Variants in EYA1 observed in about 807,000 individuals in gnomAD.
The protein encoded by EYA1 is protein phosphatase EYA1.
Under a neutral mutation model 82.0 loss-of-function variants are expected in EYA1, and 16 were observed. The ratio of observed to expected loss-of-function variants is 0.20; its 90% confidence interval spans 0.13 to 0.30. The LOEUF (loss-of-function observed/expected upper bound fraction) is 0.30, where lower values mean the gene tolerates loss of function less well. Ranked by LOEUF, EYA1 falls within the 10% of genes least tolerant of loss-of-function variation. The pLI, the probability that EYA1 is intolerant of heterozygous loss-of-function variation, is 1.00. For synonymous variants in EYA1, 261 were observed against 264.4 expected, an observed-to-expected ratio of 0.99 and a Z score of 0.12; for missense variants, 633 against 730.7, an observed-to-expected ratio of 0.87 and a Z score of 1.54.
intron 2 of EYA1, among the ~76,000 whole-genome samples, chr8:71,492,063 C>T (rs985364914): frequency 3.3e-5 from 5 of 152,130 alleles, no homozygotes; most frequent in Non-Finnish European, 7.4e-5. Context: ...CGGACGTTGG[C>T]AAATGGGTCT....
intron 2 of EYA1, among the ~76,000 whole-genome samples, chr8:71,372,085 G>A (rs1353065587): frequency 2.0e-5 from 3 of 151,936 alleles, no homozygotes; most frequent in Admixed American, 6.6e-5. Context: ...ATGAGTTTTC[G>A]GATTGAAAGA....
chr8:71,528,340 A>G (rs1044421541), intron 2 of EYA1, among the ~76,000 whole-genome samples: 2 of 152,180 alleles, frequency 1.3e-5, no homozygotes, highest in Non-Finnish European at 2.9e-5. Context: ...AGGGCTTGAC[A>G]TTGTGTTTGG....
chr8:71,358,898 G>C (rs1387117530), intron 1 of EYA1, among the ~76,000 whole-genome samples: 1 of 152,124 alleles, frequency 6.6e-6, no homozygotes, highest in Non-Finnish European at 1.5e-5. Context: ...TTCTAGAAAA[G>C]TGATGTGAGG....
upstream of EYA1, chr8:71,362,230 T>C: frequency 1.0e-6 from 1 of 973,070 alleles, no homozygotes; most frequent in Non-Finnish European, 1.2e-6. Flanking sequence ...ACCTTATTGG[T>C]TTAAATGCAA....
At chr8:71,253,403 T>A (rs1034500262) in intron 11 of EYA1, among the ~76,000 whole-genome samples, 1 of 152,192 alleles carries the variant, frequency 6.6e-6, no homozygotes, top group Admixed American at 6.5e-5. Flanking sequence ...ATAGAAAGTT[T>A]GGTTGAATCA....
intron 2 of EYA1, among the ~76,000 whole-genome samples, chr8:71,408,408 A>C (rs928492786): frequency 7.8e-6 from 1 of 128,440 alleles, no homozygotes; most frequent in Admixed American, 8.0e-5. Flanking sequence ...AAATTCTCCA[A>C]TTAAAAGACA....
intron 2 of EYA1, among the ~76,000 whole-genome samples, chr8:71,438,300 T>A (rs2129168037): frequency 6.6e-6 from 1 of 152,128 alleles, no homozygotes; most frequent in East Asian, 1.9e-4. Flanking sequence ...GAATACAGAA[T>A]GATAACCAAC....
chr8:71,432,151 C>A (rs1027983747), intron 2 of EYA1, among the ~76,000 whole-genome samples: 1 of 152,148 alleles, frequency 6.6e-6, no homozygotes, highest in Non-Finnish European at 1.5e-5. Context: ...AAATAGATAA[C>A]AAGCCTCTTA....
chr8:71,393,394 C>T (rs1053514344), intron 2 of EYA1, among the ~76,000 whole-genome samples: 1 of 151,972 alleles, frequency 6.6e-6, no homozygotes. Context: ...GTGCTGCACC[C>T]GTTAACTCCT....
At chr8:71,450,961 T>C (rs1274482607) in intron 2 of EYA1, among the ~76,000 whole-genome samples, 1 of 152,258 alleles carries the variant, frequency 6.6e-6, no homozygotes, top group Middle Eastern at 3.4e-3. Context: ...AAAGAAGAAA[T>C]GCAAACAGCT....
rs143254169 is a variant in EYA1 at position 71,207,713 on chromosome 8, T to C, written c.1698+3443A>G. Among the ~76,000 whole-genome samples, 6 of 152,360 alleles carry C rather than the reference T, an allele frequency of 3.9e-5. No individual in the cohort carries two copies. The East Asian group carries it at 1.2e-3, about 29-fold the overall frequency. ...AACAATCTTTTTTTAAGCCATTCTATATTTAATTTTATTCTGTAATTGCTG... is the reference window on the plus strand; with the variant it reads ...AACAATCTTTTTTTAAGCCATTCTACATTTAATTTTATTCTGTAATTGCTG... On this transcript the variant is annotated intron_variant, in intron 17 of 17. Transcript: ENST00000340726.
chr8:71,510,760 AACTG>A (rs1251751682), intron 2 of EYA1, among the ~76,000 whole-genome samples: 2 of 152,170 alleles, frequency 1.3e-5, no homozygotes, highest in Admixed American at 1.3e-4. Flanking sequence ...TTGTGGCAAA[AACTG>A]ACTGATGATG....
intron 2 of EYA1, among the ~76,000 whole-genome samples, chr8:71,500,859 C>T (rs753260873): frequency 6.6e-6 from 1 of 152,066 alleles, no homozygotes; most frequent in Non-Finnish European, 1.5e-5. Context: ...AACATAGATT[C>T]CTTACCTCAG....
intron 3 of EYA1, among the ~76,000 whole-genome samples, chr8:71,346,359 C>T (rs1753493618): frequency 6.7e-6 from 1 of 149,796 alleles, no homozygotes; most frequent in South Asian, 2.1e-4. Flanking sequence ...TGTGGATATA[C>T]AGTATAGATA....
chr8:71,234,971 C>G (rs1413327476), intron 12 of EYA1, among the ~76,000 whole-genome samples: 1 of 152,170 alleles, frequency 6.6e-6, no homozygotes, highest in African/African-American at 2.4e-5. Flanking sequence ...GTACTCAAGG[C>G]AAAACCTAGT....
At chr8:71,281,901 C>G (rs1235219129) in intron 9 of EYA1, among the ~76,000 whole-genome samples, 1 of 152,252 alleles carries the variant, frequency 6.6e-6, no homozygotes, top group Non-Finnish European at 1.5e-5. Flanking sequence ...AGGCAACACA[C>G]TCAGCACCAG....
At chr8:71,205,970 T>C (rs979182444) in intron 17 of EYA1, among the ~76,000 whole-genome samples, 1 of 152,164 alleles carries the variant, frequency 6.6e-6, no homozygotes, top group African/African-American at 2.4e-5. Flanking sequence ...CAGAACTTCA[T>C]TGGTTTGCTA....
At chr8:71,235,703 T>G (rs1811745925) in intron 12 of EYA1, among the ~76,000 whole-genome samples, 1 of 152,204 alleles carries the variant, frequency 6.6e-6, no homozygotes, top group Non-Finnish European at 1.5e-5. Flanking sequence ...TAGTTAGAAC[T>G]GTGCCTAGGT....
At chr8:71,384,324 T>G (rs1426093701) in intron 2 of EYA1, among the ~76,000 whole-genome samples, 2 of 152,210 alleles carry the variant, frequency 1.3e-5, no homozygotes, top group East Asian at 3.8e-4. Context: ...CTTTGTGAGA[T>G]CCACGGTAAG....
Sources: gnomAD v4.1 joint callset for allele counts (sites outside exome capture counted in the v4.1 genomes callset) on GRCh38, gnomAD v4.1.1 for gene constraint, MANE v1.5 for transcripts, NCBI Gene and HGNC (gene_info 2026-07-23, HGNC 2026-07-21) for gene names.